Variants in MBOAT2 observed in about 807,000 individuals in gnomAD.
MBOAT2 encodes membrane-bound glycerophospholipid O-acyltransferase 2.
In MBOAT2, 28 loss-of-function variants were observed where a neutral mutation model predicts 63.4. That is an observed-to-expected ratio of 0.44 (90% CI 0.33 to 0.61). The LOEUF (loss-of-function observed/expected upper bound fraction) is 0.61. Ranked by LOEUF, MBOAT2 falls within the 20% of genes least tolerant of loss-of-function variation. MBOAT2 has a pLI of 0.03. For missense variants in MBOAT2, 470 were observed against 605.8 expected, an observed-to-expected ratio of 0.78 and a Z score of 2.35; for synonymous variants, 211 against 215.6, an observed-to-expected ratio of 0.98 and a Z score of 0.19.
intron 1 of MBOAT2, among the ~76,000 whole-genome samples, chr2:8,995,887 G>C (rs1034134851): frequency 1.3e-4 from 20 of 152,144 alleles, no homozygotes; most frequent in Non-Finnish European, 1.5e-4. Flanking sequence ...CATCGCGCCC[G>C]GCCTACATTC....
At chr2:8,988,425 T>C (rs571197681) in intron 1 of MBOAT2, among the ~76,000 whole-genome samples, 53 of 152,240 alleles carry the variant, frequency 3.5e-4, no homozygotes, top group Non-Finnish European at 6.5e-4. Context: ...TGACTTTATA[T>C]GATTTATATA....
At chr2:8,864,019 TAGG>T (rs1370657828) in intron 10 of MBOAT2, 148 bp downstream of exon 10, 5 of 550,954 alleles carry the variant, frequency 9.1e-6, no homozygotes, top group South Asian at 6.5e-5. Context: ...CTGACTTGCT[TAGG>T]AGGAGGCTAA....
At chr2:8,890,466 C>A (rs148767629) in intron 4 of MBOAT2, among the ~76,000 whole-genome samples, 2 of 152,172 alleles carry the variant, frequency 1.3e-5, no homozygotes, top group African/African-American at 4.8e-5. Context: ...CAGTCTTGTT[C>A]ACCACTGAAT....
intron 4 of MBOAT2, among the ~76,000 whole-genome samples, chr2:8,900,813 C>G (rs1446608327): frequency 1.3e-5 from 2 of 152,142 alleles, no homozygotes; most frequent in African/African-American, 4.8e-5. Context: ...CAGAAAAGAT[C>G]AAGCTTCAGG....
At chr2:8,986,799 GCTCT>G (rs1215706746) in intron 1 of MBOAT2, among the ~76,000 whole-genome samples, 6 of 152,128 alleles carry the variant, frequency 3.9e-5, no homozygotes, top group Non-Finnish European at 7.4e-5. Context: ...CAGAGGGCTT[GCTCT>G]CTCTTTCGCC....
rs1213065603 is a variant in MBOAT2, at chr2:8,862,266, C to T, written c.1185+324G>A. On this transcript the variant is annotated intron_variant, in intron 11 of 12. Transcript: ENST00000305997. This position sits in a 1 kb window ranked among gnomAD's most constrained non-coding sequence, Gnocchi z 4.3. ...TTTCAGGAAACATTTCTAAAATAAA[C>T]CTACCCATTCTGATCATCTTTATTT... 2 of 1,288,170 alleles carry T rather than the reference C, an allele frequency of 1.6e-6. No homozygotes were observed. Among genetic ancestry groups the T allele is most frequent in the Admixed American group, 2.4e-5 (1 of 40,940 alleles). 79.8% of individuals were successfully genotyped at this position (1,288,170 alleles called of 1,614,324 possible). A position where few individuals can be genotyped will look rare whatever the true frequency, so the allele number is the denominator to read the frequency against.
At chr2:8,945,836 A>G (rs1668374413) in intron 2 of MBOAT2, among the ~76,000 whole-genome samples, 2 of 152,152 alleles carry the variant, frequency 1.3e-5, no homozygotes, top group African/African-American at 2.4e-5. Context: ...GAAAAAAAAA[A>G]GAGCACAGGT....
rs1208819495 is a variant in MBOAT2, at chr2:8,888,076, G to A, written c.396-3C>T. On this transcript the variant is annotated splice_polypyrimidine_tract_variant and splice_region_variant and intron_variant, in intron 4 of 12. Coordinates refer to ENST00000305997, the MANE Select transcript of MBOAT2 (RefSeq NM_138799.4). ...TCTGAGTAATGATCATCATTGGGCT[G>A]TGACAAGATAAAAAAAATTAGTGTT... 3 of 1,608,926 alleles carry A rather than the reference G, an allele frequency of 1.9e-6. No homozygotes were observed. Among genetic ancestry groups the A allele is most frequent in the Non-Finnish European group, 2.5e-6 (3 of 1,177,936 alleles).
chr2:8,933,261 C>A (rs1667446084), intron 3 of MBOAT2, among the ~76,000 whole-genome samples: 2 of 152,124 alleles, frequency 1.3e-5, no homozygotes, highest in Non-Finnish European at 1.5e-5. Flanking sequence ...TTTTAAGTTA[C>A]TACAACTACC....
intron 3 of MBOAT2, among the ~76,000 whole-genome samples, chr2:8,913,040 A>C (rs1425004170): frequency 6.6e-6 from 1 of 152,196 alleles, no homozygotes; most frequent in African/African-American, 2.4e-5. Flanking sequence ...ATAAACCCAA[A>C]TACTTACAGC....
intron 1 of MBOAT2, among the ~76,000 whole-genome samples, chr2:8,972,230 T>C (rs960283849): frequency 4.6e-5 from 7 of 152,200 alleles, no homozygotes; most frequent in Non-Finnish European, 7.3e-5. Flanking sequence ...TACAACCATC[T>C]GATCTTTGAC....
intron 3 of MBOAT2, among the ~76,000 whole-genome samples, chr2:8,938,732 C>T (rs1262232058): frequency 6.6e-6 from 1 of 151,832 alleles, no homozygotes; most frequent in South Asian, 2.1e-4. Flanking sequence ...TTCATGCCAC[C>T]GTTGTCTCAT....
intron 7 of MBOAT2, 118 bp downstream of exon 7, chr2:8,876,912 T>A: frequency 9.7e-7 from 1 of 1,035,652 alleles, no homozygotes; most frequent in Non-Finnish European, 1.4e-6. Flanking sequence ...GTTATTTATC[T>A]TGAAAAGTAT....
Position 8,895,313 on chromosome 2 carries a change from A to T in MBOAT2, c.396-7240T>A, listed in dbSNP as rs183406355. Among the ~76,000 whole-genome samples the T allele has an allele frequency of 2.2e-4, 33 of 150,392 alleles. 1 individual carries two copies. The South Asian group carries it at 4.1e-3, about 19-fold the overall frequency. ...TGATTGGTCCATTTTACAGAGTGCT[A>T]ATTGGTCCGTTTTACAGAGTGCTGA... On this transcript the variant is annotated intron_variant, in intron 4 of 12. Transcript: ENST00000305997.
At chr2:8,951,350 A>C (rs1668821684) in intron 2 of MBOAT2, among the ~76,000 whole-genome samples, 2 of 152,022 alleles carry the variant, frequency 1.3e-5, no homozygotes, top group South Asian at 2.1e-4. Flanking sequence ...GATTACAGAC[A>C]TGTGTCACCA....
intron 8 of MBOAT2, among the ~76,000 whole-genome samples, chr2:8,872,123 C>T (rs1452358346): frequency 6.6e-6 from 1 of 152,202 alleles, no homozygotes; most frequent in African/African-American, 2.4e-5. Flanking sequence ...GCCCATTTCA[C>T]CTGACCAGGT....
At chr2:8,866,518 C>T (rs1661910820) in intron 9 of MBOAT2, among the ~76,000 whole-genome samples, 1 of 152,204 alleles carries the variant, frequency 6.6e-6, no homozygotes, top group African/African-American at 2.4e-5. Flanking sequence ...AAATACCAGA[C>T]TTATTTCACC....
chr2:8,869,094 C>T (rs1264499890), intron 8 of MBOAT2, among the ~76,000 whole-genome samples: 2 of 152,054 alleles, frequency 1.3e-5, no homozygotes, highest in African/African-American at 4.8e-5. Context: ...TGTCACTGCC[C>T]AGGCTGGAGT....
At chr2:8,994,752 A>C (rs1672152078) in intron 1 of MBOAT2, among the ~76,000 whole-genome samples, 1 of 152,176 alleles carries the variant, frequency 6.6e-6, no homozygotes, top group Non-Finnish European at 1.5e-5. Context: ...CCAAAAAGGG[A>C]GGAAAGGATG....
Sources: allele counts gnomAD v4.1 joint callset (sites outside exome capture counted in the v4.1 genomes callset), GRCh38; gene constraint gnomAD v4.1.1; non-coding constraint Gnocchi (gnomAD v3.1); transcripts MANE v1.5; gene names NCBI Gene and HGNC (gene_info 2026-07-23, HGNC 2026-07-21).